KCNK15: variants seen among roughly 807,000 people sequenced by gnomAD.
KCNK15 encodes potassium two pore domain channel subfamily K member 15.
In KCNK15, 9 loss-of-function variants were observed where a neutral mutation model predicts 8.5. That is an observed-to-expected ratio of 1.06 (90% confidence interval 0.64 to 1.85). KCNK15 has a LOEUF of 1.85. KCNK15 is among the 40% of genes most tolerant of loss of function. The pLI is 0.00. For synonymous variants in KCNK15, 224 were observed against 232.7 expected (o/e 0.96, Z 0.34); for missense variants, 467 against 476.8 (o/e 0.98, Z 0.19).
At chr20:44,749,080 CAT>C in intron 1 of KCNK15, among the ~76,000 whole-genome samples, 1 of 152,310 alleles carries the variant, frequency 6.6e-6, no homozygotes, top group Admixed American at 6.5e-5. Context: ...CAAGTGCACA[CAT>C]ATTTTTGCTC....
Position 44,746,059 on chromosome 20 carries a change from G to A in KCNK15, c.149G>A (p.Arg50Lys), listed in dbSNP as rs1275582547. 6.4e-7 allele frequency: 1 copy of A among 1,553,838 alleles called. No homozygotes were observed. ...LLVQKRGALRRKFGFSAEDYR... is the reference protein window; with the variant it reads ...LLVQKRGALRKKFGFSAEDYR... The stretch of plus-strand genomic sequence containing the variant: ...GTCCAGAAGCGGGGCGCTCTCCGGA[G>A]GAAGTTCGGCTTCTCGGCCGAGGAC... Residue 50 changes from arginine to lysine, a missense_variant, in exon 1 of 2, where the codon AGG becomes AAG. Around this residue, in one of 2 missense-constraint regions of KCNK15, gnomAD observed 455 missense variants for 441.2 expected, o/e 1.03. Coordinates refer to ENST00000372861, the MANE Select transcript of KCNK15 (RefSeq NM_022358.4).
intron 1 of KCNK15, among the ~76,000 whole-genome samples, chr20:44,749,113 T>C (rs973163177): frequency 1.3e-5 from 2 of 152,240 alleles, no homozygotes; most frequent in Admixed American, 1.3e-4. Context: ...ATTGAAGGGC[T>C]AACTTCCTAA....
In KCNK15 at chr20:44,750,175, C is replaced by T; in HGVS notation, c.330C>T (p.Cys110=). Reference sequence around the variant, plus strand: ...GTACGGACTCCGGCAAGGTCTTCTGCATGTTCTACGCGCTCCTGGGCATCC... The same window carrying T: ...GTACGGACTCCGGCAAGGTCTTCTGTATGTTCTACGCGCTCCTGGGCATCC... ...APGTDSGKVF[C]MFYALLGIPL... is the part of the protein sequence containing the mutation. The change falls in exon 2 of 2, where the codon TGC becomes TGT. Residue 110 remains cysteine (C), a synonymous_variant. Coordinates refer to ENST00000372861, the MANE Select transcript of KCNK15 (RefSeq NM_022358.4). 1.2e-6 allele frequency: 2 copies of T among 1,612,744 alleles called. No homozygotes were observed.
In KCNK15 at chr20:44,750,677, C is replaced by T. The variant is rs995969922; in HGVS notation, c.832C>T (p.Arg278Cys). 2.8e-5 allele frequency: 42 copies of T among 1,480,570 alleles called. No individual in the cohort carries two copies. The highest frequency in any genetic ancestry group is 4.6e-5 in the Admixed American group (2 of 43,076). 91.7% of individuals were successfully genotyped at this position (1,480,570 alleles called of 1,614,324 possible). ...APESRGLWLP[R>C]RPARSVGSAS... ...CGAGAGCCGTGGCCTCTGGCTGCCC[C>T]GCCGCCCGGCCCGCTCCGTGGGCTC... The change falls in exon 2 of 2, where the codon CGC (arginine) becomes TGC (cysteine). Residue 278 changes from arginine to cysteine, a missense_variant. Arg to Cys is a radical substitution (Grantham distance 180). Coordinates refer to ENST00000372861, the MANE Select transcript of KCNK15 (RefSeq NM_022358.4).
Position 44,745,957 on chromosome 20 carries a change from T to C in KCNK15, c.47T>C (p.Leu16Pro). 6.9e-7 allele frequency: 1 copy of C among 1,453,278 alleles called. No homozygotes were observed. The highest frequency in any genetic ancestry group is 1.5e-5 in the African/African-American group (1 of 67,652). 90.0% of individuals were successfully genotyped at this position (1,453,278 alleles called of 1,614,324 possible). A position where few individuals can be genotyped will look rare whatever the true frequency, so the allele number is the denominator to read the frequency against. Residue 16 changes from leucine to proline, a missense_variant, in exon 1 of 2, where the codon CTG (leucine) becomes CCG (proline). This residue lies in a region of KCNK15 where 12 missense variants were observed against 35.6 expected (regional missense o/e 0.34). Coordinates refer to ENST00000372861, the MANE Select transcript of KCNK15 (RefSeq NM_022358.4). Reference sequence around the variant, plus strand: ...GCGGCCGGGCTGGTCCTGTGCACCCTGTGTTACCTGCTGGTGGGCGCTGCT... The same window carrying C: ...GCGGCCGGGCTGGTCCTGTGCACCCCGTGTTACCTGCTGGTGGGCGCTGCT... ...VRAAGLVLCT[L>P]CYLLVGAAVF...
intron 1 of KCNK15, 130 bp downstream of exon 1, chr20:44,746,323 C>G: frequency 3.8e-6 from 3 of 782,296 alleles, no homozygotes; most frequent in African/African-American, 1.8e-5. Flanking sequence ...GCTCACCGAG[C>G]CTCCCTCATC....
In KCNK15 at chr20:44,745,994, G is replaced by C; in HGVS notation, c.84G>C (p.Ala28=). ...YLLVGAAVFD[A]LESEAESGRQ... ...TGGTGGGCGCTGCTGTCTTCGACGCGCTCGAGTCCGAGGCGGAAAGCGGCC... is the reference window on the plus strand; with the variant it reads ...TGGTGGGCGCTGCTGTCTTCGACGCCCTCGAGTCCGAGGCGGAAAGCGGCC... Residue 28 remains alanine, a synonymous_variant, in exon 1 of 2, where the codon GCG becomes GCC. Coordinates refer to ENST00000372861, the MANE Select transcript of KCNK15 (RefSeq NM_022358.4). The C allele has an allele frequency of 4.6e-6, 7 of 1,523,824 alleles. No homozygotes were observed. Among genetic ancestry groups the C allele is most frequent in the African/African-American group, 1.4e-5 (1 of 69,944 alleles). The allele number at this position is 1,523,824 out of a possible 1,614,324, so 94.4% of individuals were successfully genotyped here.
intron 1 of KCNK15, among the ~76,000 whole-genome samples, chr20:44,747,668 GA>G (rs2066013090): frequency 6.6e-6 from 1 of 152,256 alleles, no homozygotes. Flanking sequence ...GAAACAGGAG[GA>G]ATTTTGCCTT....
intron 1 of KCNK15, chr20:44,747,089 A>G (rs2145434476): frequency 6.6e-6 from 1 of 152,380 alleles, no homozygotes; most frequent in African/African-American, 2.4e-5. Flanking sequence ...TGGGGCTTGG[A>G]TCACCAGTCC....
Position 44,751,166 on chromosome 20 carries a change from T to A in KCNK15, c.*328T>A. The A allele has an allele frequency of 4.9e-6, 1 of 206,006 alleles. No homozygotes were observed. 12.8% of individuals were successfully genotyped at this position (206,006 alleles called of 1,614,324 possible). ...AGCCGACCCTCCAGAGCAACTTTTCTGTTGTGAAGAGGCTGGTTTTCTGAG... is the reference window on the plus strand; with the variant it reads ...AGCCGACCCTCCAGAGCAACTTTTCAGTTGTGAAGAGGCTGGTTTTCTGAG... On this transcript the variant is annotated 3_prime_UTR_variant, in exon 2 of 2. Coordinates refer to ENST00000372861, the MANE Select transcript of KCNK15 (RefSeq NM_022358.4).
intron 1 of KCNK15, among the ~76,000 whole-genome samples, chr20:44,749,476 A>C (rs777236465): frequency 3.3e-5 from 5 of 152,076 alleles, no homozygotes; most frequent in African/African-American, 1.2e-4. Context: ...TCAGGAGAAA[A>C]GGCATGTGGA....
rs1336851214 is a variant in KCNK15 at position 44,751,976 on chromosome 20, C to A, written c.*1138C>A. Reference sequence around the variant, plus strand: ...GGAAAGGTGGGTGGATGGAGAGAGGCCCCCAGCCTAAGGACCCAGGCTCCT... The same window carrying A: ...GGAAAGGTGGGTGGATGGAGAGAGGACCCCAGCCTAAGGACCCAGGCTCCT... On this transcript the variant is annotated 3_prime_UTR_variant, in exon 2 of 2. Coordinates refer to ENST00000372861, the MANE Select transcript of KCNK15 (RefSeq NM_022358.4). 2 of 152,216 alleles carry A rather than the reference C, an allele frequency of 1.3e-5. No individual in the cohort carries two copies. Among genetic ancestry groups the A allele is most frequent in the Non-Finnish European group, 2.9e-5 (2 of 68,088 alleles). 9.4% of individuals were successfully genotyped at this position (152,216 alleles called of 1,614,324 possible).
chr20:44,750,301 G>C lies in KCNK15; in HGVS notation c.456G>C (p.Thr152=). Residue 152 remains threonine, a synonymous_variant, in exon 2 of 2, where the codon ACG becomes ACC. Transcript: ENST00000372861. ...AGTGCTGCCTGGGCCTGCGGTGGAC[G>C]TGCGTGTCCACGGAGAACCTGGTGG... The part of the protein sequence containing the change: ...AAKCCLGLRW[T]CVSTENLVVA... The C allele has an allele frequency of 3.1e-6, 5 of 1,606,972 alleles. No individual in the cohort carries two copies. Among genetic ancestry groups the C allele is most frequent in the Non-Finnish European group, 4.2e-6 (5 of 1,177,578 alleles).
Position 44,750,194 on chromosome 20 carries a change from G to A in KCNK15, c.349G>A (p.Gly117Ser), listed in dbSNP as rs1377181533. The A allele has an allele frequency of 6.2e-7, 1 of 1,612,924 alleles. No homozygotes were observed. ...CTTCTGCATGTTCTACGCGCTCCTG[G>A]GCATCCCGCTGACGCTGGTCACTTT... is the stretch of plus-strand genomic sequence containing the variant. ...KVFCMFYALL[G>S]IPLTLVTFQS... The change falls in exon 2 of 2, where the codon GGC (glycine) becomes AGC (serine). Residue 117 changes from glycine to serine, a missense_variant. Gly to Ser is a moderately conservative substitution (Grantham distance 56). Around this residue, in one of 2 missense-constraint regions of KCNK15, gnomAD observed 455 missense variants for 441.2 expected, o/e 1.03. Coordinates refer to ENST00000372861, the MANE Select transcript of KCNK15 (RefSeq NM_022358.4).
chr20:44,750,933 C>A lies in KCNK15; in HGVS notation c.*95C>A. 2 of 853,702 alleles carry A rather than the reference C, an allele frequency of 2.3e-6. No homozygotes were observed. Among genetic ancestry groups the A allele is most frequent in the South Asian group, 5.5e-5 (2 of 36,564 alleles). 52.9% of individuals were successfully genotyped at this position (853,702 alleles called of 1,614,324 possible). A position where few individuals can be genotyped will look rare whatever the true frequency, so the allele number is the denominator to read the frequency against. On this transcript the variant is annotated 3_prime_UTR_variant, in exon 2 of 2. Transcript: ENST00000372861. ...CAGGGATTGGAAACGGATGACGGGC[C>A]TCTAGGCGGTCTTCTGCCACGAGCA... is the stretch of plus-strand genomic sequence containing the variant.
At chr20:44,749,097 G>T (rs1240902501) in intron 1 of KCNK15, among the ~76,000 whole-genome samples, 2 of 152,190 alleles carry the variant, frequency 1.3e-5, no homozygotes, top group Non-Finnish European at 2.9e-5. Context: ...TTGCTCATGT[G>T]TGTATATTGA....
In KCNK15 at chr20:44,750,112, C is replaced by A; in HGVS notation, c.284-17C>A. The A allele has an allele frequency of 1.3e-6, 2 of 1,582,874 alleles. No homozygotes were observed. The highest frequency in any genetic ancestry group is 8.6e-7 in the Non-Finnish European group (1 of 1,164,858). On this transcript the variant is annotated splice_polypyrimidine_tract_variant and intron_variant, in intron 1 of 1. Transcript: ENST00000372861. ...AGCTGGGCGCTCACAGCCCTCCCCT[C>A]CGCTCTCCCTGCATAGAGTACGGCC... is the stretch of plus-strand genomic sequence containing the variant.
At chr20:44,749,629 C>T (rs6073537) in intron 1 of KCNK15, among the ~76,000 whole-genome samples, 86,349 of 151,814 alleles carry the variant, frequency 0.57, 25,431 homozygotes, top group African/African-American at 0.75. Context: ...ACACCTGCCG[C>T]GTAACTGCAG....
Position 44,752,306 on chromosome 20 carries a change from T to G in KCNK15, c.*1468T>G, listed in dbSNP as rs1352617994. 6.6e-6 allele frequency: 1 copy of G among 152,142 alleles called. No homozygotes were observed. The highest frequency in any genetic ancestry group is 1.5e-5 in the Non-Finnish European group (1 of 68,050). 9.4% of individuals were successfully genotyped at this position (152,142 alleles called of 1,614,324 possible). On this transcript the variant is annotated 3_prime_UTR_variant, in exon 2 of 2. Coordinates refer to ENST00000372861, the MANE Select transcript of KCNK15 (RefSeq NM_022358.4). The stretch of plus-strand genomic sequence containing the variant: ...CTGCTGCTCAATAAATAAATGCAGG[T>G]GACCTTGCCTGACGCAACAGCTGTG...
Sources: allele counts gnomAD v4.1 joint callset (sites outside exome capture counted in the v4.1 genomes callset), GRCh38; gene constraint gnomAD v4.1.1; regional missense constraint gnomAD v4.1.1; transcripts MANE v1.5; gene names NCBI Gene and HGNC (gene_info 2026-07-23, HGNC 2026-07-21).